ZNF75D: variants seen among roughly 807,000 people sequenced by gnomAD.
ZNF75D encodes zinc finger protein 75.
Under a neutral mutation model 33.3 loss-of-function variants are expected in ZNF75D, and 33 were observed. The observed-to-expected ratio is 0.99, with a 90% CI of 0.75 to 1.32. The LOEUF (loss-of-function observed/expected upper bound fraction) is 1.32, where lower values mean the gene tolerates loss of function less well. Ranked by LOEUF, ZNF75D falls within the 40% of genes most tolerant of loss-of-function variation. The probability of loss-of-function intolerance (pLI) is 0.00; values close to 1 mark genes in which losing one functional copy is unlikely to be tolerated. For synonymous variants in ZNF75D, 113 were observed against 130.6 expected (o/e 0.87, Z 0.92); for missense variants, 338 against 367.5 (o/e 0.92, Z 0.66).
chrX:135,267,311 C>A (rs2083866688), intron 1 of ZNF75D, among the ~76,000 whole-genome samples: 1 of 110,951 alleles, frequency 9.0e-6, no homozygotes, highest in Non-Finnish European at 1.9e-5. Context: ...ATACAAAAGA[C>A]CAATGAAACA....
Position 135,306,773 on chromosome X carries a change from A to G in ZNF75D, c.-390-10734T>C, listed in dbSNP as rs1487730014. Among the ~76,000 whole-genome samples the G allele has an allele frequency of 3.5e-5, 4 of 112,749 alleles. No homozygotes were observed. The East Asian group carries it at 1.1e-3, about 31-fold the overall frequency. ...GTGTGTTTTCCTTGTGTTTGTCCTC[A>G]TCTTTCTAGGTGTTTCATAACATTT... On this transcript the variant is annotated intron_variant, in intron 1 of 6. Coordinates refer to ENST00000370766, the MANE Select transcript of ZNF75D (RefSeq NM_007131.5).
downstream of ZNF75D, among the ~76,000 whole-genome samples, chrX:135,281,589 C>A (rs1181474435): frequency 8.9e-6 from 1 of 111,737 alleles, no homozygotes; most frequent in Admixed American, 9.5e-5. Context: ...GAATTTTCAG[C>A]CTTTTTGTGC....
At chrX:135,283,837 G>A (rs1449025619), downstream of ZNF75D, among the ~76,000 whole-genome samples, 3 of 111,494 alleles carry the variant, frequency 2.7e-5, no homozygotes, top group Non-Finnish European at 5.7e-5. Context: ...TGCTGGGAGG[G>A]AAAAGGTGGA....
chrX:135,323,094 C>T (rs1221069387), intron 1 of ZNF75D, among the ~76,000 whole-genome samples: 3 of 112,088 alleles, frequency 2.7e-5, no homozygotes, highest in African/African-American at 9.7e-5. Context: ...AAATGCTTGC[C>T]TTCCAATTGG....
At chrX:135,337,553 T>C (rs1556442881) in intron 1 of ZNF75D, among the ~76,000 whole-genome samples, 1 of 112,013 alleles carries the variant, frequency 8.9e-6, no homozygotes, top group African/African-American at 3.3e-5. Context: ...ATTTTTCCTG[T>C]TATAAAACTG....
chrX:135,277,428 T>A (rs966895249), intron 1 of ZNF75D, among the ~76,000 whole-genome samples: 2 of 112,339 alleles, frequency 1.8e-5, no homozygotes, highest in African/African-American at 6.5e-5. Context: ...TTTCTCCCAT[T>A]CTATAGGATG....
At chrX:135,258,751 T>C (rs1244059222) in intron 1 of ZNF75D, among the ~76,000 whole-genome samples, 1 of 112,241 alleles carries the variant, frequency 8.9e-6, no homozygotes, top group Non-Finnish European at 1.9e-5. Flanking sequence ...AGGTTGCCTG[T>C]TCACTCTGAT....
At chrX:135,324,887 T>C (rs782467080) in intron 1 of ZNF75D, among the ~76,000 whole-genome samples, 47 of 111,747 alleles carry the variant, frequency 4.2e-4, no homozygotes, top group African/African-American at 1.5e-3. Flanking sequence ...AAAAATGGAA[T>C]GTCCTTTCCT....
intron 1 of ZNF75D, among the ~76,000 whole-genome samples, chrX:135,268,390 C>A (rs781877274): frequency 2.8e-5 from 3 of 108,884 alleles, no homozygotes; most frequent in Non-Finnish European, 1.9e-5. Flanking sequence ...AGTATTAGGA[C>A]TGATAAATTT....
intron 1 of ZNF75D, among the ~76,000 whole-genome samples, chrX:135,256,453 G>A (rs951039309): frequency 2.7e-5 from 3 of 111,727 alleles, no homozygotes; most frequent in Admixed American, 9.4e-5. Flanking sequence ...ACCAGCCCTC[G>A]CCAGAAGAAT....
chrX:135,294,125 G>T lies in ZNF75D; in HGVS notation c.16C>A (p.Leu6Met). MAMRE[L>M]NADSCSSPQM... is the part of the protein sequence containing the mutation. ...GGGCTTGAGCATGAATCCGCGTTCA[G>T]CTCTCTCATCGCCATTTGCTCTAGG... The change falls in exon 3 of 7, where the codon CTG (leucine) becomes ATG (methionine). Residue 6 changes from leucine to methionine, a missense_variant. Leu to Met is a conservative substitution (Grantham distance 15). Transcript: ENST00000370766. 2 of 1,193,000 alleles carry T rather than the reference G, an allele frequency of 1.7e-6. No individual in the cohort carries two copies. Among genetic ancestry groups the T allele is most frequent in the East Asian group, 5.9e-5 (2 of 33,627 alleles).
At chrX:135,333,098 G>A in intron 1 of ZNF75D, among the ~76,000 whole-genome samples, 1 of 111,665 alleles carries the variant, frequency 9.0e-6, no homozygotes, top group Non-Finnish European at 1.9e-5. Context: ...GAGAGAGAGA[G>A]AGAGAGGCAG....
chrX:135,261,885 A>C (rs1329127819), intron 1 of ZNF75D, among the ~76,000 whole-genome samples: 1 of 111,939 alleles, frequency 8.9e-6, no homozygotes, highest in Non-Finnish European at 1.9e-5. Flanking sequence ...CAGTTTCTTC[A>C]TAGCATCGAT....
intron 1 of ZNF75D, among the ~76,000 whole-genome samples, chrX:135,270,315 T>A (rs2083877728): frequency 1.0e-5 from 1 of 97,804 alleles, no homozygotes; most frequent in Non-Finnish European, 2.1e-5. Context: ...GTTCATGATG[T>A]AATTATTATA....
At chrX:135,252,118 C>T (rs1433813915) in intron 2 of ZNF75D, 1 of 84,005 alleles carries the variant, frequency 1.2e-5, no homozygotes, top group African/African-American at 4.8e-5. Flanking sequence ...CCTGATATAC[C>T]AAGATCATAG....
chrX:135,269,305 G>GA (rs1447519281), intron 1 of ZNF75D, among the ~76,000 whole-genome samples: 5 of 111,786 alleles, frequency 4.5e-5, no homozygotes, highest in Non-Finnish European at 7.5e-5. Context: ...CCAACAAAGG[G>GA]AAGAGACAAC....
chrX:135,295,591 C>T (rs2084115487), intron 2 of ZNF75D, among the ~76,000 whole-genome samples, 177 bp downstream of exon 2: 1 of 112,161 alleles, frequency 8.9e-6, no homozygotes, highest in Non-Finnish European at 1.9e-5. Flanking sequence ...CACCAGCTCT[C>T]CAGGCGACCT....
chrX:135,332,469 C>T lies in ZNF75D; in HGVS notation c.-391+9299G>A, dbSNP rs146006308. On this transcript the variant is annotated intron_variant, in intron 1 of 6. Transcript: ENST00000370766. ...AATAGGCCCAAAGGAGCTCATTCAT[C>T]CCTTCTGCCATGTGAGGAAGCACTG... is the stretch of plus-strand genomic sequence containing the variant. Among the ~76,000 whole-genome samples the T allele has an allele frequency of 1.3e-4, 14 of 111,192 alleles. No individual in the cohort carries two copies. In the East Asian group the frequency reaches 4.0e-3, roughly 32 times the overall value.
intron 1 of ZNF75D, among the ~76,000 whole-genome samples, chrX:135,280,433 C>T (rs2083916015): frequency 8.9e-6 from 1 of 111,812 alleles, no homozygotes; most frequent in Non-Finnish European, 1.9e-5. Context: ...GATCTTGACT[C>T]TTTATCCAAT....
Sources: gnomAD v4.1 joint callset for allele counts (sites outside exome capture counted in the v4.1 genomes callset) on GRCh38, gnomAD v4.1.1 for gene constraint, MANE v1.5 for transcripts, NCBI Gene and HGNC (gene_info 2026-07-23, HGNC 2026-07-21) for gene names.